The following ZNF804A variants were observed in gnomAD, a reference collection of about 807,000 sequenced individuals.
ZNF804A encodes zinc finger protein 804A.
A neutral mutation model predicts 16.5 loss-of-function variants in ZNF804A; 2 were observed. That is an observed-to-expected ratio of 0.12 (90% confidence interval 0.05 to 0.38). The LOEUF is 0.38. Among genes scored for constraint, ZNF804A ranks in the 10% least tolerant of loss-of-function variants. ZNF804A has a pLI of 0.99. For missense variants in ZNF804A, 1,473 were observed against 1,390.7 expected (o/e 1.06, Z -0.94); for synonymous variants, 534 against 489.6 (o/e 1.09, Z -1.20).
intron 1 of ZNF804A, among the ~76,000 whole-genome samples, chr2:184,719,110 C>T (rs1693260984): frequency 6.6e-6 from 1 of 152,152 alleles, no homozygotes; most frequent in Non-Finnish European, 1.5e-5. Flanking sequence ...GACTTTTATG[C>T]ACTTACAGGC....
intron 1 of ZNF804A, among the ~76,000 whole-genome samples, chr2:184,781,730 C>G (rs749552721): frequency 4.0e-5 from 6 of 151,742 alleles, no homozygotes; most frequent in African/African-American, 1.2e-4. Context: ...GTAACTTCTA[C>G]TTTTTTGCAT....
intron 1 of ZNF804A, among the ~76,000 whole-genome samples, chr2:184,807,729 G>C (rs775894273): frequency 1.4e-4 from 21 of 151,664 alleles, no homozygotes; most frequent in Middle Eastern, 3.2e-3. Flanking sequence ...TGATGAGTAA[G>C]ACTGTCATTG....
intron 1 of ZNF804A, among the ~76,000 whole-genome samples, chr2:184,638,543 A>T (rs1293156779): frequency 6.6e-6 from 1 of 152,190 alleles, no homozygotes; most frequent in Non-Finnish European, 1.5e-5. Flanking sequence ...TCAGAATTTG[A>T]AGTTCAAAAG....
In ZNF804A at chr2:184,936,948, A is replaced by C. The variant is rs1685799039; in HGVS notation, c.1552A>C (p.Asn518His). 6.2e-7 allele frequency: 1 copy of C among 1,613,886 alleles called. No homozygotes were observed. Residue 518 changes from asparagine to histidine, a missense_variant, in exon 4 of 4, where the codon AAT becomes CAT. Asn to His is a moderately conservative substitution (Grantham distance 68). Coordinates refer to ENST00000302277, the MANE Select transcript of ZNF804A (RefSeq NM_194250.2). ...LTDYEIGSSK[N>H]KCSQVTPLLA... The stretch of plus-strand genomic sequence containing the variant: ...TGATTATGAAATTGGAAGTAGCAAA[A>C]ATAAATGCAGCCAAGTCACTCCTCT...
intron 1 of ZNF804A, among the ~76,000 whole-genome samples, chr2:184,793,817 C>A (rs191518656): frequency 9.1e-4 from 139 of 152,212 alleles, no homozygotes; most frequent in African/African-American, 3.2e-3. Flanking sequence ...TGAGAACATA[C>A]AATGTTTGGT....
intron 2 of ZNF804A, among the ~76,000 whole-genome samples, chr2:184,874,694 G>A (rs80012338): frequency 0.062 from 9,406 of 152,074 alleles, 994 homozygotes; most frequent in African/African-American, 0.21. Context: ...AAAATCAAAA[G>A]GCAGTGGCAT....
chr2:184,837,236 C>T lies in ZNF804A; in HGVS notation c.112-29133C>T, dbSNP rs1695366058. The stretch of plus-strand genomic sequence containing the variant: ...GAAGAAACATGCGTCCTTATTATTC[C>T]TCCTCATAAACTCAGAATCTGGTAT... On this transcript the variant is annotated intron_variant, in intron 1 of 3. Coordinates refer to ENST00000302277, the MANE Select transcript of ZNF804A (RefSeq NM_194250.2). Among the ~76,000 whole-genome samples, 5 of 152,066 alleles carry T rather than the reference C, an allele frequency of 3.3e-5. No individual in the cohort carries two copies. In the South Asian group the frequency reaches 8.3e-4, roughly 25 times the overall value.
At position 184,878,484 on chromosome 2, in the gene ZNF804A, A is replaced by G. The variant is rs191684383; in HGVS notation, c.255+11972A>G. Among the ~76,000 whole-genome samples, 312 of 152,156 alleles carry G rather than the reference A, an allele frequency of 2.1e-3. 1 individual carries two copies. The highest frequency in any genetic ancestry group is 7.2e-3 in the African/African-American group (300 of 41,554). On this transcript the variant is annotated intron_variant, in intron 2 of 3. Transcript: ENST00000302277. ...GGTATTTTATATAGAAAGCGTAAGGATTTTGGTTGTCAAAAGGACTTATAA... is the reference window on the plus strand; with the variant it reads ...GGTATTTTATATAGAAAGCGTAAGGGTTTTGGTTGTCAAAAGGACTTATAA...
chr2:184,776,433 A>C (rs116775825), intron 1 of ZNF804A, among the ~76,000 whole-genome samples: 3,456 of 151,560 alleles, frequency 0.023, 48 homozygotes, highest in Middle Eastern at 0.044. Flanking sequence ...GAGTGATTAG[A>C]TGACACTTTG....
At chr2:184,866,712 G>A (rs1264735812) in intron 2 of ZNF804A, among the ~76,000 whole-genome samples, 200 bp downstream of exon 2, 5 of 146,960 alleles carry the variant, frequency 3.4e-5, no homozygotes, top group South Asian at 2.1e-4. Context: ...GGCACCAATA[G>A]CAAAGTCTGA....
chr2:184,611,128 A>C (rs1294936674), intron 1 of ZNF804A, among the ~76,000 whole-genome samples: 1 of 152,136 alleles, frequency 6.6e-6, no homozygotes, highest in Non-Finnish European at 1.5e-5. Flanking sequence ...ACTTCTTCCC[A>C]TATGGGGGAA....
chr2:184,707,230 A>G (rs1403014310), intron 1 of ZNF804A, among the ~76,000 whole-genome samples: 2 of 152,106 alleles, frequency 1.3e-5, no homozygotes, highest in Non-Finnish European at 2.9e-5. Flanking sequence ...ATATGTGTAC[A>G]TGGGTAATTT....
At chr2:184,733,877 C>T (rs1182807101) in intron 1 of ZNF804A, among the ~76,000 whole-genome samples, 1 of 149,482 alleles carries the variant, frequency 6.7e-6, no homozygotes, top group East Asian at 1.9e-4. Flanking sequence ...TCTTTAATTT[C>T]TAATTTTAGC....
intron 1 of ZNF804A, among the ~76,000 whole-genome samples, chr2:184,601,833 A>C (rs1691053862): frequency 6.6e-6 from 1 of 151,962 alleles, no homozygotes. Flanking sequence ...CCTTTTAGTT[A>C]GTTTCTGTCA....
intron 1 of ZNF804A, among the ~76,000 whole-genome samples, chr2:184,700,117 T>C (rs1302784716): frequency 6.6e-6 from 1 of 152,146 alleles, no homozygotes; most frequent in Non-Finnish European, 1.5e-5. Flanking sequence ...TGTAATATTA[T>C]AAGAATAACA....
intron 1 of ZNF804A, among the ~76,000 whole-genome samples, chr2:184,699,599 G>A (rs1692888746): frequency 6.6e-6 from 1 of 152,058 alleles, no homozygotes; most frequent in Non-Finnish European, 1.5e-5. Context: ...GTATGTCAGG[G>A]TAACCAAAAA....
At chr2:184,921,012 T>C (rs1685520831) in intron 2 of ZNF804A, among the ~76,000 whole-genome samples, 1 of 152,186 alleles carries the variant, frequency 6.6e-6, no homozygotes, top group Non-Finnish European at 1.5e-5. Context: ...TCATACACCT[T>C]CCCTAATCAC....
intron 1 of ZNF804A, among the ~76,000 whole-genome samples, chr2:184,820,054 C>T (rs1363125016): frequency 6.6e-6 from 1 of 152,052 alleles, no homozygotes. Context: ...GGACTCCTCT[C>T]TAACTCATTA....
At chr2:184,760,317 C>T (rs1694022664) in intron 1 of ZNF804A, among the ~76,000 whole-genome samples, 1 of 151,930 alleles carries the variant, frequency 6.6e-6, no homozygotes, top group African/African-American at 2.4e-5. Flanking sequence ...AAAATGGAGA[C>T]ATAGTTATGT....
Sources: allele counts gnomAD v4.1 joint callset (sites outside exome capture counted in the v4.1 genomes callset), GRCh38; gene constraint gnomAD v4.1.1; transcripts MANE v1.5; gene names NCBI Gene and HGNC (gene_info 2026-07-23, HGNC 2026-07-21).